RYR2: variants seen among roughly 807,000 people sequenced by gnomAD.
The protein encoded by RYR2 is ryanodine receptor 2.
RYR2 carries 227 observed loss-of-function variants against 601.1 expected under a neutral mutation model. The observed-to-expected ratio is 0.38, with a 90% CI of 0.34 to 0.42. The LOEUF (loss-of-function observed/expected upper bound fraction) is 0.42, where lower values mean the gene tolerates loss of function less well. Among genes scored for constraint, RYR2 ranks in the 10% least tolerant of loss-of-function variants. The pLI is 1.00. For missense variants in RYR2, 4,646 were observed against 6,156.5 expected, an observed-to-expected ratio of 0.75 and a Z score of 8.21; for synonymous variants, 2,223 against 2,175.1, an observed-to-expected ratio of 1.02 and a Z score of -0.61.
At chr1:237,157,377 T>G (rs1430132932) in intron 1 of RYR2, among the ~76,000 whole-genome samples, 2 of 139,608 alleles carry the variant, frequency 1.4e-5, no homozygotes, top group African/African-American at 5.2e-5. Context: ...GATCCAGCAA[T>G]CCCGCTAAGT....
intron 1 of RYR2, among the ~76,000 whole-genome samples, chr1:237,212,603 G>T (rs560680970): frequency 6.6e-6 from 1 of 152,004 alleles, no homozygotes; most frequent in African/African-American, 2.4e-5. Context: ...GACCCCTTTT[G>T]TTACAAAATG....
rs572243983 is a variant in RYR2, at chr1:237,669,652, G to C, written c.8590+1694G>C. The stretch of plus-strand genomic sequence containing the variant: ...GAGACGCTCCTCACATCCCAGACGG[G>C]GCGGCAGGGCAGAGGCGGTCCCCAC... On this transcript the variant is annotated intron_variant, in intron 58 of 104. Coordinates refer to ENST00000366574, the MANE Select transcript of RYR2 (RefSeq NM_001035.3). Among the ~76,000 whole-genome samples, 1,038 of 151,994 alleles carry C rather than the reference G, an allele frequency of 6.8e-3. 5 individuals carry two copies. Among genetic ancestry groups the C allele is most frequent in the Non-Finnish European group, 7.8e-3 (533 of 67,942 alleles).
chr1:237,049,704 C>T (rs1661017108), intron 1 of RYR2, among the ~76,000 whole-genome samples: 1 of 152,064 alleles, frequency 6.6e-6, no homozygotes, highest in South Asian at 2.1e-4. Context: ...GGTTTTCTTT[C>T]AGGGAAGAGG....
At chr1:237,594,308 T>G (rs1022001508) in intron 33 of RYR2, among the ~76,000 whole-genome samples, 32 of 152,186 alleles carry the variant, frequency 2.1e-4, no homozygotes, top group Non-Finnish European at 1.9e-4. Context: ...CTGTGACAGG[T>G]CTCCGAAAGA....
chr1:237,210,068 A>G (rs1445325018), intron 1 of RYR2, among the ~76,000 whole-genome samples: 1 of 152,188 alleles, frequency 6.6e-6, no homozygotes, highest in East Asian at 1.9e-4. Flanking sequence ...TGCTGTTGAT[A>G]TTTCACATAT....
intron 38 of RYR2, among the ~76,000 whole-genome samples, chr1:237,623,179 G>A (rs1026937433): frequency 3.9e-5 from 6 of 152,076 alleles, no homozygotes; most frequent in African/African-American, 1.4e-4. Context: ...CTGACATATT[G>A]TGGACTTGAG....
rs970158129 is a variant in RYR2 at position 237,698,968 on chromosome 1, A to G, written c.9071A>G (p.Asn3024Ser). The change falls in exon 64 of 105, where the codon AAT becomes AGT. Residue 3024 changes from asparagine (N) to serine (S), a missense_variant. Physicochemically the swap from Asn to Ser is conservative, Grantham distance 46 (BLOSUM62 1). Coordinates refer to ENST00000366574, the MANE Select transcript of RYR2 (RefSeq NM_001035.3). ...LVRHRISLFG[N>S]DATSIVNCLH... ...CAGCATTTTGTTTCCTCTTTAGGCA[A>G]TGATGCAACATCAATTGTCAACTGT... 1.3e-6 allele frequency: 2 copies of G among 1,544,480 alleles called. No individual in the cohort carries two copies. The highest frequency in any genetic ancestry group is 2.4e-5 in the East Asian group (1 of 42,278).
intron 87 of RYR2, among the ~76,000 whole-genome samples, chr1:237,778,149 C>T (rs1694809424): frequency 6.6e-6 from 1 of 152,136 alleles, no homozygotes; most frequent in Non-Finnish European, 1.5e-5. Context: ...TCTTTTAAAA[C>T]ACGTCATTGG....
intron 1 of RYR2, among the ~76,000 whole-genome samples, chr1:237,134,742 G>A (rs1672573082): frequency 6.6e-6 from 1 of 152,152 alleles, no homozygotes; most frequent in South Asian, 2.1e-4. Flanking sequence ...AGTGGTCAAA[G>A]GTCAAAATAT....
intron 1 of RYR2, among the ~76,000 whole-genome samples, chr1:237,068,333 T>C (rs1663903610): frequency 6.6e-6 from 1 of 152,116 alleles, no homozygotes; most frequent in East Asian, 1.9e-4. Flanking sequence ...TAGGCAAAAT[T>C]TATGCCTCAG....
chr1:237,828,319 G>C, intron 101 of RYR2, 62 bp from the exon 102 acceptor site: 1 of 1,206,234 alleles, frequency 8.3e-7, no homozygotes, highest in Non-Finnish European at 1.2e-6. Context: ...GGGGGGATTA[G>C]CCAAGGAACT....
At chr1:237,453,236 G>A (rs992506999) in intron 14 of RYR2, among the ~76,000 whole-genome samples, 1 of 152,034 alleles carries the variant, frequency 6.6e-6, no homozygotes, top group African/African-American at 2.4e-5. Flanking sequence ...CTTGGGGGTA[G>A]GTAGGTGAAT....
chr1:237,515,835 C>T (rs370960533), intron 24 of RYR2, among the ~76,000 whole-genome samples: 68 of 77,802 alleles, frequency 8.7e-4, no homozygotes, highest in Middle Eastern at 8.1e-3. Context: ...CTTCCTCCCT[C>T]TTCTCCTCCT....
At chr1:237,396,575 G>C (rs547661316) in intron 10 of RYR2, among the ~76,000 whole-genome samples, 8 of 152,268 alleles carry the variant, frequency 5.3e-5, no homozygotes, top group Admixed American at 5.2e-4. Flanking sequence ...TTCTTTGCCT[G>C]AGGGGAGGTT....
At position 237,493,453 on chromosome 1, in the gene RYR2, G is replaced by GT. The variant is rs887694958; in HGVS notation, c.1961+373dup. On this transcript the variant is annotated intron_variant, in intron 19 of 104. Transcript: ENST00000366574. The stretch of plus-strand genomic sequence containing the variant: ...AAAAACACTATCCTTCAATATCATT[G>GT]TTTTTTTCTTTTTTTTTAAGACAGA... Among the ~76,000 whole-genome samples, 28 of 151,988 alleles carry GT rather than the reference G, an allele frequency of 1.8e-4. 1 individual carries two copies. Among genetic ancestry groups the GT allele is most frequent in the African/African-American group, 6.3e-4 (26 of 41,468 alleles).
intron 10 of RYR2, among the ~76,000 whole-genome samples, chr1:237,389,611 G>A (rs918958864): frequency 4.6e-5 from 7 of 152,180 alleles, no homozygotes; most frequent in Non-Finnish European, 1.0e-4. Context: ...AAAGTGATGG[G>A]TTTAGGGGAG....
At chr1:237,825,566 A>G (rs1662999755) in intron 101 of RYR2, among the ~76,000 whole-genome samples, 1 of 152,172 alleles carries the variant, frequency 6.6e-6, no homozygotes, top group African/African-American at 2.4e-5. Flanking sequence ...AAAACTCCAG[A>G]AAAAAACCTA....
chr1:237,827,448 A>G (rs569461903), intron 101 of RYR2, among the ~76,000 whole-genome samples: 1 of 151,594 alleles, frequency 6.6e-6, no homozygotes, highest in East Asian at 1.9e-4. Flanking sequence ...CAGCCTGGTC[A>G]ACAAGACGAA....
intron 1 of RYR2, among the ~76,000 whole-genome samples, chr1:237,060,683 T>C (rs1662725776): frequency 1.3e-5 from 2 of 152,236 alleles, no homozygotes; most frequent in African/African-American, 4.8e-5. Context: ...TGCACTCTTT[T>C]GTGTCTAGTT....
Sources: gnomAD v4.1 joint callset for allele counts (sites outside exome capture counted in the v4.1 genomes callset) on GRCh38, gnomAD v4.1.1 for gene constraint, MANE v1.5 for transcripts, NCBI Gene and HGNC (gene_info 2026-07-23, HGNC 2026-07-21) for gene names.